Variants in PCDH15 observed in about 807,000 individuals in gnomAD.
The protein encoded by PCDH15 is protocadherin-15.
A neutral mutation model predicts 178.5 loss-of-function variants in PCDH15; 129 were observed. That is an observed-to-expected ratio of 0.72 (90% CI 0.63 to 0.84). PCDH15 has a LOEUF of 0.84. Among genes scored for constraint, PCDH15 ranks in the 40% least tolerant of loss-of-function variants. The pLI, the probability that PCDH15 is intolerant of heterozygous loss-of-function variation, is 0.00. For synonymous variants in PCDH15, 800 were observed against 732.0 expected (o/e 1.09, Z -1.50); for missense variants, 2,230 against 2,099.9 (o/e 1.06, Z -1.21).
At chr10:55,013,468 GACC>G (rs1475394617) in intron 2 of PCDH15, among the ~76,000 whole-genome samples, 3 of 133,362 alleles carry the variant, frequency 2.2e-5, no homozygotes, top group Non-Finnish European at 4.8e-5. Flanking sequence ...CCACCACTCA[GACC>G]ATGATTTATC....
rs1031965907 is a variant in PCDH15 at position 54,002,595 on chromosome 10, G to T, written c.2752-6830C>A. ...AAACAATACATTACTGAATAACCAG[G>T]GGTCAATGAGGAAATTGATAAGAAA... On this transcript the variant is annotated intron_variant, in intron 20 of 37. Transcript: ENST00000644397. 1.3e-5 allele frequency among the ~76,000 whole-genome samples: 2 copies of T among 152,028 alleles called. 1 individual carries two copies.
intron 2 of PCDH15, among the ~76,000 whole-genome samples, chr10:55,076,403 A>G (rs1841887320): frequency 6.7e-6 from 1 of 149,598 alleles, no homozygotes; most frequent in Admixed American, 6.7e-5. Flanking sequence ...GAGTACATAT[A>G]TATTTAGAAT....
intron 2 of PCDH15, among the ~76,000 whole-genome samples, chr10:55,075,674 T>C (rs1841870715): frequency 6.6e-6 from 1 of 151,992 alleles, no homozygotes; most frequent in Non-Finnish European, 1.5e-5. Context: ...GTTTAAACTT[T>C]TCAAGAATCA....
intron 1 of PCDH15, among the ~76,000 whole-genome samples, chr10:55,293,218 T>A (rs1377653989): frequency 6.6e-6 from 1 of 152,124 alleles, no homozygotes; most frequent in Non-Finnish European, 1.5e-5. Flanking sequence ...TTGACCCCTA[T>A]CAGCCACAGC....
At chr10:54,148,575 C>T (rs994427546) in intron 14 of PCDH15, among the ~76,000 whole-genome samples, 9 of 151,734 alleles carry the variant, frequency 5.9e-5, no homozygotes, top group African/African-American at 1.2e-4. Context: ...ATGTGGAAGC[C>T]GTGGATATGG....
intron 2 of PCDH15, among the ~76,000 whole-genome samples, chr10:55,607,187 A>G (rs929438903): frequency 6.6e-6 from 1 of 150,644 alleles, no homozygotes; most frequent in African/African-American, 2.4e-5. Context: ...GCAAATCAAA[A>G]CCACAATGAG....
intron 9 of PCDH15, among the ~76,000 whole-genome samples, chr10:54,234,425 C>A (rs937292525): frequency 6.6e-6 from 1 of 152,090 alleles, no homozygotes; most frequent in South Asian, 2.1e-4. Context: ...TAGTGGCTCA[C>A]GCCTGTAATC....
At chr10:53,827,110 T>C (rs577662699) in intron 32 of PCDH15, among the ~76,000 whole-genome samples, 5 of 152,072 alleles carry the variant, frequency 3.3e-5, no homozygotes, top group African/African-American at 1.2e-4. Flanking sequence ...ACCCTGAGGA[T>C]TGAGATATTA....
chr10:54,365,625 C>T (rs1946675105), intron 5 of PCDH15, among the ~76,000 whole-genome samples: 1 of 152,048 alleles, frequency 6.6e-6, no homozygotes, highest in Admixed American at 6.6e-5. Flanking sequence ...AGATGAACCT[C>T]AAAAACCTGC....
At position 54,025,499 on chromosome 10, in the gene PCDH15, A is replaced by ATT. The variant is rs3067439; in HGVS notation, c.2221-2304_2221-2303dup. ...CCTTGGTTCATGACACATTTCCACC[A>ATT]TTTTTTTTTTTTTTTTTGAGACCAA... On this transcript the variant is annotated intron_variant, in intron 18 of 37. Coordinates refer to ENST00000644397, the MANE Select transcript of PCDH15 (RefSeq NM_001384140.1). 2.1e-4 allele frequency among the ~76,000 whole-genome samples: 28 copies of ATT among 135,514 alleles called. No individual in the cohort carries two copies. In the East Asian group the frequency reaches 3.0e-3, roughly 15 times the overall value. The allele number at this position is 135,514 out of a possible 152,430, so 88.9% of individuals were successfully genotyped here. A position where few individuals can be genotyped will look rare whatever the true frequency, so the allele number is the denominator to read the frequency against.
chr10:54,641,117 A>C, intron 2 of PCDH15: 1 of 247,554 alleles, frequency 4.0e-6, no homozygotes, highest in Non-Finnish European at 8.2e-6. Flanking sequence ...AAATGAATAT[A>C]ATAAAAATTA....
At chr10:55,005,954 T>C (rs1376731007) in intron 2 of PCDH15, among the ~76,000 whole-genome samples, 1 of 151,812 alleles carries the variant, frequency 6.6e-6, no homozygotes, top group East Asian at 1.9e-4. Flanking sequence ...TTATTCTATT[T>C]TTATTTTAAT....
intron 2 of PCDH15, among the ~76,000 whole-genome samples, chr10:54,935,625 A>T (rs1006245259): frequency 7.2e-5 from 11 of 152,038 alleles, no homozygotes; most frequent in Non-Finnish European, 8.8e-5. Context: ...ATCTCTCACC[A>T]TGGTAGCTTT....
At chr10:53,903,187 A>G in intron 26 of PCDH15, 56 bp downstream of exon 26, 1 of 1,602,208 alleles carries the variant, frequency 6.2e-7, no homozygotes, top group South Asian at 1.1e-5. Flanking sequence ...CTTACAGCTT[A>G]TCTGCAAAAC....
At chr10:54,555,660 C>G (rs1193225773) in intron 2 of PCDH15, among the ~76,000 whole-genome samples, 1 of 149,854 alleles carries the variant, frequency 6.7e-6, no homozygotes, top group Admixed American at 6.7e-5. Context: ...TAGCTTGAAC[C>G]CAGGAGGCAG....
At chr10:53,949,164 G>T (rs1473062832) in intron 23 of PCDH15, among the ~76,000 whole-genome samples, 2 of 152,124 alleles carry the variant, frequency 1.3e-5, no homozygotes, top group Non-Finnish European at 2.9e-5. Flanking sequence ...ATTCCATGTA[G>T]GTGCACAGGG....
intron 22 of PCDH15, among the ~76,000 whole-genome samples, chr10:53,960,248 T>C (rs534582231): frequency 2.6e-4 from 39 of 152,170 alleles, no homozygotes; most frequent in Non-Finnish European, 4.9e-4. Context: ...AGTGTTAAAT[T>C]CAGACACATA....
intron 4 of PCDH15, among the ~76,000 whole-genome samples, chr10:54,371,036 A>C (rs896466028): frequency 6.6e-6 from 1 of 151,880 alleles, no homozygotes; most frequent in African/African-American, 2.4e-5. Context: ...CACTGATATA[A>C]ATGAAGGCAT....
intron 2 of PCDH15, among the ~76,000 whole-genome samples, chr10:55,428,605 C>T (rs142872347): frequency 6.6e-6 from 1 of 151,670 alleles, no homozygotes; most frequent in Admixed American, 6.6e-5. Flanking sequence ...AGAGACAGCG[C>T]TATGTGTTCA....
Sources: gnomAD v4.1 joint callset for allele counts (sites outside exome capture counted in the v4.1 genomes callset) on GRCh38, gnomAD v4.1.1 for gene constraint, MANE v1.5 for transcripts, NCBI Gene and HGNC (gene_info 2026-07-23, HGNC 2026-07-21) for gene names.